Variants in TJP3 observed in about 807,000 individuals in gnomAD.
The protein encoded by TJP3 is tight junction protein ZO-3.
Under a neutral mutation model 104.2 loss-of-function variants are expected in TJP3, and 85 were observed. That is an observed-to-expected ratio of 0.82 (90% CI 0.68 to 0.98). The LOEUF (loss-of-function observed/expected upper bound fraction) is 0.98. TJP3 is among the 50% of genes least tolerant of loss of function. TJP3 has a pLI of 0.00. For missense variants in TJP3, 1,367 were observed against 1,322.8 expected (o/e 1.03, Z -0.52); for synonymous variants, 550 against 550.6 (o/e 1.00, Z 0.02).
chr19:3,708,605 G>T (rs538424960), intron 1 of TJP3, 44 bp downstream of exon 1: 1 of 152,216 alleles, frequency 6.6e-6, no homozygotes, highest in South Asian at 2.1e-4. Context: ...AGTGTGCATT[G>T]TCTGAGCTGG....
At chr19:3,717,174 A>G (rs565792513) in intron 1 of TJP3, among the ~76,000 whole-genome samples, 53 of 146,256 alleles carry the variant, frequency 3.6e-4, no homozygotes, top group African/African-American at 1.2e-3. Context: ...CATGTTGGTC[A>G]GGCTGGTCTC....
At chr19:3,747,764 C>T (rs935477569) in intron 18 of TJP3, 30 bp from the exon 19 acceptor site, 5 of 1,524,010 alleles carry the variant, frequency 3.3e-6, no homozygotes, top group Non-Finnish European at 4.4e-6. Flanking sequence ...CTGGCCAGGG[C>T]CAGCCGCAGC....
chr19:3,740,828 C>T (rs2036806216), intron 14 of TJP3, 65 bp downstream of exon 14: 3 of 1,412,788 alleles, frequency 2.1e-6, no homozygotes, highest in East Asian at 2.6e-5. Flanking sequence ...CACCTGTTCA[C>T]TAACATTCAG....
intron 1 of TJP3, among the ~76,000 whole-genome samples, chr19:3,727,747 AT>A (rs1281942865): frequency 6.6e-6 from 1 of 152,048 alleles, no homozygotes; most frequent in South Asian, 2.1e-4. Flanking sequence ...AAATAGAAAA[AT>A]TAGCCTGGCG....
chr19:3,721,786 G>T (rs2036544427), intron 1 of TJP3: 1 of 553,234 alleles, frequency 1.8e-6, no homozygotes. Flanking sequence ...CCGGCCCTCA[G>T]CCCGCTGTGA....
At chr19:3,731,290 G>A (rs1257059647) in intron 5 of TJP3, among the ~76,000 whole-genome samples, 2 of 152,228 alleles carry the variant, frequency 1.3e-5, no homozygotes, top group Non-Finnish European at 2.9e-5. Context: ...TGAGCTCAGA[G>A]GTGATCCTGG....
At chr19:3,739,186 C>T (rs1250070985) in intron 13 of TJP3, 52 bp downstream of exon 13, 2 of 1,461,734 alleles carry the variant, frequency 1.4e-6, no homozygotes, top group East Asian at 2.4e-5. Context: ...GCCTCAGTCT[C>T]CCCGTTAGAA....
chr19:3,731,491 G>C (rs531222316), intron 5 of TJP3, among the ~76,000 whole-genome samples: 2 of 152,224 alleles, frequency 1.3e-5, no homozygotes, highest in Admixed American at 6.5e-5. Flanking sequence ...AAATTAGCCA[G>C]GCGTGGTGGT....
Position 3,748,058 on chromosome 19 carries a change from A to T in TJP3, c.2587A>T (p.Ile863Phe), listed in dbSNP as rs780203679. 1 of 1,577,378 alleles carries T rather than the reference A, an allele frequency of 6.3e-7. No individual in the cohort carries two copies. The highest frequency in any genetic ancestry group is 1.1e-5 in the South Asian group (1 of 87,160). ...CCAGAGCCCGAGGGATCGTGGGAGA[A>T]TCTCGGCTCATCAGGGGGCCCAGGT... ...ESQSPRDRGR[I>F]SAHQGAQVDS... The change falls in exon 19 of 21, where the codon ATC becomes TTC. Residue 863 changes from isoleucine (I) to phenylalanine (F), a missense_variant. Coordinates refer to ENST00000541714, the MANE Select transcript of TJP3 (RefSeq NM_001267560.2).
Position 3,746,982 on chromosome 19 carries a change from C to A in TJP3, c.2322+106C>A. ...CGGGAGTTAGGGCTTGGTCAGGGAT[C>A]AGGACTGTGGCCAGAGTCAAGATGG... On this transcript the variant is annotated intron_variant, in intron 18 of 20. Coordinates refer to ENST00000541714, the MANE Select transcript of TJP3 (RefSeq NM_001267560.2). The surrounding 1 kb of genome is among the most constrained non-coding windows in gnomAD (Gnocchi z 4.1). The A allele has an allele frequency of 9.0e-7, 1 of 1,114,688 alleles. No homozygotes were observed. The highest frequency in any genetic ancestry group is 1.3e-6 in the Non-Finnish European group (1 of 766,164). The allele number at this position is 1,114,688 out of a possible 1,614,324, so 69.0% of individuals were successfully genotyped here. A position where few individuals can be genotyped will look rare whatever the true frequency, so the allele number is the denominator to read the frequency against.
At position 3,725,080 on chromosome 19, in the gene TJP3, G is replaced by A. The variant is rs190098824; in HGVS notation, c.-9-3344G>A. ...ATTTGAGACCAGCTTGGTCAACATA[G>A]CAAAACCCCATCTCTACAAAAAAAC... On this transcript the variant is annotated intron_variant, in intron 1 of 20. Coordinates refer to ENST00000541714, the MANE Select transcript of TJP3 (RefSeq NM_001267560.2). Among the ~76,000 whole-genome samples the A allele has an allele frequency of 1.1e-3, 172 of 152,164 alleles. 1 individual carries two copies. Among genetic ancestry groups the A allele is most frequent in the Admixed American group, 1.8e-3 (27 of 15,266 alleles).
intron 15 of TJP3, 71 bp from the exon 16 acceptor site, chr19:3,745,940 G>A (rs1385890498): frequency 1.5e-6 from 2 of 1,294,878 alleles, no homozygotes; most frequent in East Asian, 2.5e-5. Context: ...CAGGGGAGGG[G>A]CAGGTAGGCA....
Position 3,747,887 on chromosome 19 carries a change from G to A in TJP3, c.2416G>A (p.Asp806Asn), listed in dbSNP as rs147561084. Residue 806 changes from aspartate to asparagine, a missense_variant, in exon 19 of 21, where the codon GAC (aspartate) becomes AAC (asparagine). Asp to Asn is a conservative substitution (Grantham distance 23, BLOSUM62 1). Coordinates refer to ENST00000541714, the MANE Select transcript of TJP3 (RefSeq NM_001267560.2). Reference sequence around the variant, plus strand: ...CAGCTGCGACAGCCGCGTTAACAGCGACTACGAGACGGACGGCGAGGGCGG... The same window carrying A: ...CAGCTGCGACAGCCGCGTTAACAGCAACTACGAGACGGACGGCGAGGGCGG... ...DLSCDSRVNSDYETDGEGGAY... is the reference protein window; with the variant it reads ...DLSCDSRVNSNYETDGEGGAY... The A allele has an allele frequency of 4.1e-5, 66 of 1,613,100 alleles. No homozygotes were observed. The highest frequency in any genetic ancestry group is 6.7e-5 in the East Asian group (3 of 44,890).
intron 15 of TJP3, 140 bp downstream of exon 15, chr19:3,744,174 C>T: frequency 1.5e-6 from 1 of 676,304 alleles, no homozygotes; most frequent in South Asian, 1.8e-5. Flanking sequence ...AATACCCAAG[C>T]CAGACATCCT....
intron 13 of TJP3, among the ~76,000 whole-genome samples, chr19:3,739,640 T>G (rs2036785918): frequency 6.6e-6 from 1 of 152,146 alleles, no homozygotes; most frequent in African/African-American, 2.4e-5. Context: ...CTTAGTGGCT[T>G]TAAACAACAC....
chr19:3,717,756 G>C (rs2036494908), intron 1 of TJP3, among the ~76,000 whole-genome samples: 1 of 151,554 alleles, frequency 6.6e-6, no homozygotes, highest in Admixed American at 6.6e-5. Context: ...AAAAATTTTT[G>C]TGGATGTGGA....
At chr19:3,732,234 C>G (rs1448884386) in intron 6 of TJP3, among the ~76,000 whole-genome samples, 196 bp downstream of exon 6, 4 of 152,094 alleles carry the variant, frequency 2.6e-5, no homozygotes, top group Admixed American at 6.6e-5. Context: ...AATCCACAGC[C>G]AAATGTCGGT....
chr19:3,732,998 G>A (rs942055162), intron 6 of TJP3, among the ~76,000 whole-genome samples: 1 of 150,622 alleles, frequency 6.6e-6, no homozygotes, highest in Non-Finnish European at 1.5e-5. Flanking sequence ...CTAGATGACT[G>A]TTTTCTTTTC....
At position 3,748,386 on chromosome 19, in the gene TJP3, C is replaced by T. The variant is rs188208295; in HGVS notation, c.2610+305C>T. 4.0e-3 allele frequency among the ~76,000 whole-genome samples: 604 copies of T among 151,282 alleles called. 3 individuals are homozygous for T. Among genetic ancestry groups the T allele is most frequent in the Middle Eastern group, 0.017 (5 of 294 alleles). Reference sequence around the variant, plus strand: ...TCCCAGGTTCAAGCGATTCTCCTGCCTCAGCCTCCTGAGTAGTTGGGATTA... The same window carrying T: ...TCCCAGGTTCAAGCGATTCTCCTGCTTCAGCCTCCTGAGTAGTTGGGATTA... On this transcript the variant is annotated intron_variant, in intron 19 of 20. Coordinates refer to ENST00000541714, the MANE Select transcript of TJP3 (RefSeq NM_001267560.2).
Sources: allele counts gnomAD v4.1 joint callset (sites outside exome capture counted in the v4.1 genomes callset), GRCh38; gene constraint gnomAD v4.1.1; non-coding constraint Gnocchi (gnomAD v3.1); transcripts MANE v1.5; gene names NCBI Gene and HGNC (gene_info 2026-07-23, HGNC 2026-07-21).